NEBL: variants seen among roughly 807,000 people sequenced by gnomAD.
NEBL encodes the protein nebulette.
A neutral mutation model predicts 140.2 loss-of-function variants in NEBL; 122 were observed. The observed-to-expected ratio is 0.87, with a 90% confidence interval of 0.75 to 1.01. NEBL has a LOEUF of 1.01. Ranked by LOEUF, NEBL falls within the 50% of genes least tolerant of loss-of-function variation. NEBL has a pLI of 0.00. For missense variants in NEBL, 1,365 were observed against 1,231.3 expected (o/e 1.11, Z -1.62); for synonymous variants, 436 against 398.9 (o/e 1.09, Z -1.11).
chr10:21,080,799 C>T (rs1836331787), intron 2 of NEBL, among the ~76,000 whole-genome samples: 1 of 152,124 alleles, frequency 6.6e-6, no homozygotes, highest in African/African-American at 2.4e-5. Context: ...CTGGCTTATT[C>T]AGATATTGAT....
chr10:21,196,206 G>A (rs1841644673), intron 3 of NEBL, among the ~76,000 whole-genome samples: 1 of 152,008 alleles, frequency 6.6e-6, no homozygotes, highest in South Asian at 2.1e-4. Flanking sequence ...GTTTCACCAT[G>A]TTGGTCAGGC....
At chr10:20,927,249 C>T (rs181242365) in intron 4 of NEBL, among the ~76,000 whole-genome samples, 4 of 152,318 alleles carry the variant, frequency 2.6e-5, no homozygotes, top group African/African-American at 9.6e-5. Context: ...GCCCACAGAA[C>T]ATCATAGCCG....
At position 20,780,855 on chromosome 10, in the gene NEBL, T is replaced by C. The variant is rs1353103000; in HGVS notation, c.*4892A>G. ...CTGTCATTCCTGGTTTGCCGTCATTTAAGTAGTTTCAATAGATAAATCGGT... is the reference window on the plus strand; with the variant it reads ...CTGTCATTCCTGGTTTGCCGTCATTCAAGTAGTTTCAATAGATAAATCGGT... On this transcript the variant is annotated 3_prime_UTR_variant, in exon 28 of 28. Coordinates refer to ENST00000377122, the MANE Select transcript of NEBL (RefSeq NM_006393.3). The C allele has an allele frequency of 6.6e-6, 1 of 152,214 alleles. No individual in the cohort carries two copies. Among genetic ancestry groups the C allele is most frequent in the Non-Finnish European group, 1.5e-5 (1 of 68,032 alleles). 9.4% of individuals were successfully genotyped at this position (152,214 alleles called of 1,614,324 possible). A position where few individuals can be genotyped will look rare whatever the true frequency, so the allele number is the denominator to read the frequency against.
intron 4 of NEBL, among the ~76,000 whole-genome samples, chr10:20,910,836 T>G (rs1340553070): frequency 6.6e-6 from 1 of 151,568 alleles, no homozygotes; most frequent in Non-Finnish European, 1.5e-5. Flanking sequence ...TTGTTTTTTT[T>G]TTTTTGGCCA....
chr10:20,815,770 G>C (rs375019716), intron 21 of NEBL, 53 bp from the exon 22 acceptor site: 8 of 1,221,574 alleles, frequency 6.5e-6, no homozygotes, highest in Middle Eastern at 1.9e-4. Context: ...TCAACAAAGA[G>C]ACTTATTTAT....
intron 2 of NEBL, among the ~76,000 whole-genome samples, chr10:21,041,511 T>G (rs558905387): frequency 2.6e-5 from 4 of 152,152 alleles, no homozygotes; most frequent in Admixed American, 2.6e-4. Context: ...AGAGAGAAAT[T>G]GCTTTTACTA....
At chr10:21,123,607 C>T (rs750901303) in intron 2 of NEBL, among the ~76,000 whole-genome samples, 1 of 152,026 alleles carries the variant, frequency 6.6e-6, no homozygotes, top group Non-Finnish European at 1.5e-5. Flanking sequence ...CTTCTCCCCA[C>T]CTGGCTCCCC....
intron 2 of NEBL, among the ~76,000 whole-genome samples, chr10:21,122,943 G>T (rs948765887): frequency 6.6e-6 from 1 of 152,070 alleles, no homozygotes; most frequent in Non-Finnish European, 1.5e-5. Flanking sequence ...AGAATCAGGG[G>T]TCCCACATAT....
chr10:21,249,951 C>G (rs1169583166), intron 2 of NEBL, among the ~76,000 whole-genome samples: 1 of 152,000 alleles, frequency 6.6e-6, no homozygotes, highest in South Asian at 2.1e-4. Context: ...GTAATCCCAG[C>G]TACTTGGGAG....
chr10:20,942,401 A>G (rs1316695074), intron 4 of NEBL, among the ~76,000 whole-genome samples: 3 of 152,204 alleles, frequency 2.0e-5, no homozygotes, highest in Admixed American at 2.0e-4. Context: ...CAAAGCTGAA[A>G]CTGGATCCCT....
intron 3 of NEBL, among the ~76,000 whole-genome samples, chr10:21,219,838 G>T (rs1589333942): frequency 7.0e-6 from 1 of 143,098 alleles, no homozygotes; most frequent in African/African-American, 2.6e-5. Context: ...TTGTGCTATT[G>T]TAAATGAGAT....
rs981621288 is a variant in NEBL at position 20,933,836 on chromosome 10, T to A, written c.357+27836A>T. ...AATGACATTGGCAGGTGTCCTCCAC[T>A]CAGTTCTAGTTCTCAAGTGAGGACG... On this transcript the variant is annotated intron_variant, in intron 4 of 6. Transcript: ENST00000417816. Among the ~76,000 whole-genome samples, 8 of 152,128 alleles carry A rather than the reference T, an allele frequency of 5.3e-5. No individual in the cohort carries two copies. In the East Asian group the frequency reaches 1.5e-3, roughly 29 times the overall value.
chr10:21,200,072 G>A (rs554418317), intron 3 of NEBL, among the ~76,000 whole-genome samples: 1 of 152,056 alleles, frequency 6.6e-6, no homozygotes, highest in East Asian at 1.9e-4. Context: ...CACCCCATGG[G>A]ATCAGCTGAG....
intron 2 of NEBL, among the ~76,000 whole-genome samples, chr10:21,158,374 C>T (rs564722300): frequency 6.6e-6 from 1 of 152,184 alleles, no homozygotes; most frequent in Non-Finnish European, 1.5e-5. Flanking sequence ...TCTATGTCAA[C>T]TATTTACATA....
chr10:21,171,350 GA>G lies in NEBL; in HGVS notation c.164+1032del, dbSNP rs59257677. On this transcript the variant is annotated intron_variant, in intron 2 of 6. Transcript: ENST00000417816. Reference sequence around the variant, plus strand: ...ACTTCTGTCTCAAAAAAAAAAAAAAGAAAAAAAAAAAAGAAAGAAAGGAAAA... The same window carrying G: ...ACTTCTGTCTCAAAAAAAAAAAAAAGAAAAAAAAAAAGAAAGAAAGGAAAA... Among the ~76,000 whole-genome samples the G allele has an allele frequency of 7.9e-3, 648 of 81,528 alleles. 1 individual carries two copies. Among genetic ancestry groups the G allele is most frequent in the African/African-American group, 0.012 (256 of 20,664 alleles). The allele number at this position is 81,528 out of a possible 152,430, so 53.5% of individuals were successfully genotyped here.
At chr10:20,952,904 C>CAAAAAAAAAAAAAAAAAA (rs34713711) in intron 4 of NEBL, among the ~76,000 whole-genome samples, 9 of 62,234 alleles carry the variant, frequency 1.4e-4, no homozygotes, top group Admixed American at 6.8e-4. Flanking sequence ...GACCCTGTCT[C>CAAAAAAAAAAAAAAAAAA]AAAAAAAAAA....
intron 3 of NEBL, among the ~76,000 whole-genome samples, chr10:21,191,262 C>A (rs1564540116): frequency 6.6e-6 from 1 of 152,140 alleles, no homozygotes; most frequent in Non-Finnish European, 1.5e-5. Context: ...TCTAAGCACT[C>A]CACATGCATT....
At chr10:20,884,500 A>G (rs956347826) in intron 4 of NEBL, among the ~76,000 whole-genome samples, 1 of 152,248 alleles carries the variant, frequency 6.6e-6, no homozygotes, top group African/African-American at 2.4e-5. Context: ...TATGCAAATT[A>G]AAATAATGGC....
At chr10:21,273,962 G>T (rs182685337) in intron 1 of NEBL, among the ~76,000 whole-genome samples, 2 of 152,276 alleles carry the variant, frequency 1.3e-5, no homozygotes, top group African/African-American at 4.8e-5. Context: ...TGGCTCCAAG[G>T]AGACCCATCT....
Sources: gnomAD v4.1 joint callset for allele counts (sites outside exome capture counted in the v4.1 genomes callset) on GRCh38, gnomAD v4.1.1 for gene constraint, MANE v1.5 for transcripts, NCBI Gene and HGNC (gene_info 2026-07-23, HGNC 2026-07-21) for gene names.